Variants in FGF12 observed in about 807,000 individuals in gnomAD.
FGF12 encodes fibroblast growth factor 12B.
Under a neutral mutation model 23.6 loss-of-function variants are expected in FGF12, and 14 were observed. The observed-to-expected ratio is 0.59, with a 90% CI of 0.39 to 0.93. FGF12 has a LOEUF of 0.93. Ranked by LOEUF, FGF12 falls within the 40% of genes least tolerant of loss-of-function variation. FGF12 has a pLI of 0.00. For missense variants in FGF12, 175 were observed against 217.8 expected, an observed-to-expected ratio of 0.80 and a Z score of 1.24; for synonymous variants, 62 against 77.3, an observed-to-expected ratio of 0.80 and a Z score of 1.04.
intron 2 of FGF12, among the ~76,000 whole-genome samples, chr3:192,525,834 G>T (rs1724929814): frequency 6.6e-6 from 1 of 152,114 alleles, no homozygotes; most frequent in Non-Finnish European, 1.5e-5. Flanking sequence ...GAGTGCAGTG[G>T]CACCGTCTTG....
intron 4 of FGF12, among the ~76,000 whole-genome samples, chr3:192,217,242 T>C (rs1244728948): frequency 6.6e-6 from 1 of 152,216 alleles, no homozygotes; most frequent in Non-Finnish European, 1.5e-5. Context: ...AGTTAATCCA[T>C]GCAGTGCACA....
chr3:192,167,750 TATATATATATATATATATAA>T lies in FGF12; in HGVS notation c.427+2688_427+2707del, dbSNP rs1560175548. On this transcript the variant is annotated intron_variant, in intron 5 of 5. Transcript: ENST00000445105. ...TTATAGGTATATATATATATATATA[TATATATATATATATATATAA>T]AATTTTTTTTTTTTTTTTTTTTTGA... Among the ~76,000 whole-genome samples the T allele has an allele frequency of 1.9e-4, 5 of 26,524 alleles. 1 individual carries two copies. Among genetic ancestry groups the T allele is most frequent in the South Asian group, 1.8e-3 (1 of 562 alleles). 17.4% of individuals were successfully genotyped at this position (26,524 alleles called of 152,430 possible).
At chr3:192,599,579 G>A (rs974959299) in intron 2 of FGF12, among the ~76,000 whole-genome samples, 1 of 151,820 alleles carries the variant, frequency 6.6e-6, no homozygotes, top group East Asian at 1.9e-4. Context: ...TATTTCCAAC[G>A]ACCAGTTTCT....
intron 2 of FGF12, among the ~76,000 whole-genome samples, chr3:192,564,298 G>T (rs186466641): frequency 6.6e-6 from 1 of 152,044 alleles, no homozygotes; most frequent in East Asian, 1.9e-4. Context: ...TCCTGACCTC[G>T]GGTGATCTGC....
chr3:192,507,306 T>C (rs2108837237), intron 2 of FGF12, among the ~76,000 whole-genome samples: 1 of 150,244 alleles, frequency 6.7e-6, no homozygotes, highest in Middle Eastern at 3.5e-3. Flanking sequence ...TATACTGCCA[T>C]TAGCAATTTT....
chr3:192,421,279 A>G (rs1281538714), intron 2 of FGF12, among the ~76,000 whole-genome samples: 1 of 152,188 alleles, frequency 6.6e-6, no homozygotes, highest in African/African-American at 2.4e-5. Flanking sequence ...ATAACTGATG[A>G]TCTTTATGAT....
At chr3:192,661,541 T>C (rs1030389633) in intron 2 of FGF12, among the ~76,000 whole-genome samples, 1 of 152,022 alleles carries the variant, frequency 6.6e-6, no homozygotes, top group African/African-American at 2.4e-5. Flanking sequence ...AATTAAATCA[T>C]TGATGTAAAG....
At chr3:192,605,685 A>G (rs1714311486) in intron 2 of FGF12, among the ~76,000 whole-genome samples, 1 of 152,222 alleles carries the variant, frequency 6.6e-6, no homozygotes, top group Non-Finnish European at 1.5e-5. Flanking sequence ...AAGGCCCAAC[A>G]AAAACAGAAA....
chr3:192,651,402 A>G (rs1716209124), intron 2 of FGF12, among the ~76,000 whole-genome samples: 1 of 152,206 alleles, frequency 6.6e-6, no homozygotes, highest in Admixed American at 6.5e-5. Flanking sequence ...CAAGCTATGG[A>G]TTGTTTCAAA....
chr3:192,163,828 A>AGTGTGTGTGTGTGT (rs35349561), intron 5 of FGF12, among the ~76,000 whole-genome samples: 2,315 of 149,450 alleles, frequency 0.015, 23 homozygotes, highest in Middle Eastern at 0.025. Context: ...AGTGTGTGTG[A>AGTGTGTGTGTGTGT]GTGTGTGTGT....
intron 4 of FGF12, among the ~76,000 whole-genome samples, chr3:192,179,273 A>T (rs1716032975): frequency 6.6e-6 from 1 of 152,184 alleles, no homozygotes; most frequent in East Asian, 1.9e-4. Context: ...TTTTGAAATA[A>T]TTTTTACTGG....
At chr3:192,489,898 C>T (rs1264060675) in intron 2 of FGF12, among the ~76,000 whole-genome samples, 2 of 151,758 alleles carry the variant, frequency 1.3e-5, no homozygotes, top group Non-Finnish European at 2.9e-5. Flanking sequence ...AATACCTGGG[C>T]GATGAAATAA....
At chr3:192,330,117 G>C (rs1316981596) in intron 4 of FGF12, among the ~76,000 whole-genome samples, 2 of 152,060 alleles carry the variant, frequency 1.3e-5, no homozygotes, top group African/African-American at 4.8e-5. Context: ...TTATGAATCA[G>C]AAAACCTAAT....
At chr3:192,559,802 G>C (rs1232680122) in intron 2 of FGF12, among the ~76,000 whole-genome samples, 2 of 149,874 alleles carry the variant, frequency 1.3e-5, no homozygotes, top group Non-Finnish European at 3.0e-5. Context: ...CAATTTTACT[G>C]GGAACCTAAA....
chr3:192,654,887 G>A (rs34302307), intron 2 of FGF12, among the ~76,000 whole-genome samples: 3,487 of 151,930 alleles, frequency 0.023, 47 homozygotes, highest in Middle Eastern at 0.065. Flanking sequence ...ACTTCTGACA[G>A]ATCAGTGTGA....
intron 4 of FGF12, among the ~76,000 whole-genome samples, chr3:192,196,553 C>CAA (rs75176785): frequency 1.8e-4 from 26 of 146,342 alleles, no homozygotes; most frequent in African/African-American, 2.7e-4. Context: ...GCCTGGGAGA[C>CAA]AAAAAAAAAA....
Position 192,366,049 on chromosome 3 carries a change from A to T in FGF12, c.14-5511T>A, listed in dbSNP as rs191293244. Among the ~76,000 whole-genome samples, 11 of 152,072 alleles carry T rather than the reference A, an allele frequency of 7.2e-5. No individual in the cohort carries two copies. In the East Asian group the frequency reaches 2.1e-3, roughly 29 times the overall value. On this transcript the variant is annotated intron_variant, in intron 2 of 5. Coordinates refer to ENST00000445105, the MANE Select transcript of FGF12 (RefSeq NM_004113.6). ...GAGAGACAGTGTCTTATCCAAGGTC[A>T]CACAGCTAACACACTGATGAGTTCA...
intron 2 of FGF12, among the ~76,000 whole-genome samples, chr3:192,601,197 T>C (rs910758611): frequency 4.6e-5 from 7 of 152,076 alleles, no homozygotes; most frequent in Non-Finnish European, 1.0e-4. Context: ...AAGCCAGGAA[T>C]AGAAAGTTAA....
intron 4 of FGF12, among the ~76,000 whole-genome samples, chr3:192,279,898 G>T (rs562400883): frequency 1.3e-5 from 2 of 152,284 alleles, no homozygotes; most frequent in African/African-American, 4.8e-5. Flanking sequence ...ATATGTGTGT[G>T]GTGGGTAGCT....
Sources: gnomAD v4.1 joint callset for allele counts (sites outside exome capture counted in the v4.1 genomes callset) on GRCh38, gnomAD v4.1.1 for gene constraint, MANE v1.5 for transcripts, NCBI Gene and HGNC (gene_info 2026-07-23, HGNC 2026-07-21) for gene names.